CCAR2: variants seen among roughly 807,000 people sequenced by gnomAD.
CCAR2 encodes the protein cell cycle and apoptosis regulator 2, also known as cell cycle and apoptosis regulator protein 2.
A neutral mutation model predicts 108.1 loss-of-function variants in CCAR2; 21 were observed. The observed-to-expected ratio is 0.19, with a 90% CI of 0.14 to 0.28. The LOEUF (loss-of-function observed/expected upper bound fraction) is 0.28, where lower values mean the gene tolerates loss of function less well. Among genes scored for constraint, CCAR2 ranks in the 10% least tolerant of loss-of-function variants. CCAR2 has a pLI of 1.00. For synonymous variants in CCAR2, 577 were observed against 472.8 expected, an observed-to-expected ratio of 1.22 and a Z score of -2.86; for missense variants, 1,126 against 1,177.0, an observed-to-expected ratio of 0.96 and a Z score of 0.63.
rs112910441 is a variant in CCAR2 at position 22,607,685 on chromosome 8, C to T, written c.488-284C>T. ...TGTCACCCAGGCTAGAGTACAGTGG[C>T]GCGATCTCGGCTCACTGCAAGCTCC... On this transcript the variant is annotated intron_variant, in intron 6 of 20. Transcript: ENST00000308511. 2.1e-3 allele frequency among the ~76,000 whole-genome samples: 326 copies of T among 152,008 alleles called. 3 individuals are homozygous for T. Among genetic ancestry groups the T allele is most frequent in the African/African-American group, 7.5e-3 (309 of 41,434 alleles).
chr8:22,606,520 C>T (rs1008143479), intron 3 of CCAR2, 87 bp from the exon 4 acceptor site: 2 of 1,015,328 alleles, frequency 2.0e-6, no homozygotes, highest in South Asian at 1.3e-5. Flanking sequence ...TGAGCTGGGG[C>T]GTGGGTTGAG....
intron 6 of CCAR2, among the ~76,000 whole-genome samples, chr8:22,607,671 C>T (rs576905142): frequency 6.6e-6 from 1 of 151,928 alleles, no homozygotes; most frequent in East Asian, 1.9e-4. Context: ...GTCACCCAGG[C>T]TAGAGTACAG....
chr8:22,610,051 A>C (rs1801216505), intron 7 of CCAR2, among the ~76,000 whole-genome samples: 1 of 152,206 alleles, frequency 6.6e-6, no homozygotes, highest in African/African-American at 2.4e-5. Flanking sequence ...CAAACATTGC[A>C]AAATCTGAAA....
intron 7 of CCAR2, among the ~76,000 whole-genome samples, chr8:22,609,499 G>C (rs757478698): frequency 6.6e-6 from 1 of 152,034 alleles, no homozygotes; most frequent in Non-Finnish European, 1.5e-5. Flanking sequence ...TTTGCCATGG[G>C]GTTTCCACTG....
chr8:22,615,889 C>T lies in CCAR2; in HGVS notation c.1585C>T (p.Pro529Ser). Residue 529 changes from proline (P) to serine (S), a missense_variant, in exon 13 of 21, where the codon CCA becomes TCA. Physicochemically the swap from Pro to Ser is moderately conservative, Grantham distance 74. Around this residue, in one of 4 missense-constraint regions of CCAR2, gnomAD observed 1,013 missense variants for 993.9 expected, o/e 1.02. Transcript: ENST00000308511. The part of the protein sequence containing the change: ...SLHGIVEDRR[P>S]KERISFEVMV... ...CCATGGGATTGTGGAGGATCGGAGG[C>T]CAAAGGAAAGGATCTCTTTTGAGGC... is the stretch of plus-strand genomic sequence containing the variant. 1 of 1,613,988 alleles carries T rather than the reference C, an allele frequency of 6.2e-7. No homozygotes were observed. The highest frequency in any genetic ancestry group is 8.5e-7 in the Non-Finnish European group (1 of 1,180,030).
intron 7 of CCAR2, among the ~76,000 whole-genome samples, chr8:22,611,378 AAG>A (rs1302704093): frequency 4.9e-5 from 3 of 61,790 alleles, no homozygotes; most frequent in East Asian, 3.9e-4. Context: ...AAAAAAAAAA[AAG>A]TATATATATG....
In CCAR2 at chr8:22,619,259, G is replaced by T. The variant is rs781445228; in HGVS notation, c.2631G>T (p.Thr877=). The change falls in exon 20 of 21, where the codon ACG becomes ACT. Residue 877 remains threonine (T), a synonymous_variant. Transcript: ENST00000308511. ...RLAEAEETAR[T]AERQKSQLQR... Reference sequence around the variant, plus strand: ...CGGAGGCCGAGGAGACCGCCCGGACGGCGGAGCGACAGAAGAGCCAGCTCC... The same window carrying T: ...CGGAGGCCGAGGAGACCGCCCGGACTGCGGAGCGACAGAAGAGCCAGCTCC... 2 of 1,564,694 alleles carry T rather than the reference G, an allele frequency of 1.3e-6. No homozygotes were observed. The highest frequency in any genetic ancestry group is 1.4e-5 in the African/African-American group (1 of 73,858).
At chr8:22,615,261 TTTC>T (rs1248783974) in intron 11 of CCAR2, 161 bp from the exon 12 acceptor site, 13 of 971,358 alleles carry the variant, frequency 1.3e-5, no homozygotes, top group Non-Finnish European at 1.8e-5. Flanking sequence ...TGACTGATCA[TTTC>T]TTGAGGACTT....
Position 22,620,053 on chromosome 8 carries a change from C to G in CCAR2, c.*371C>G. The G allele has an allele frequency of 3.9e-6, 1 of 254,452 alleles. No individual in the cohort carries two copies. Among genetic ancestry groups the G allele is most frequent in the Non-Finnish European group, 7.8e-6 (1 of 127,984 alleles). The allele number at this position is 254,452 out of a possible 1,614,324, so 15.8% of individuals were successfully genotyped here. On this transcript the variant is annotated 3_prime_UTR_variant, in exon 21 of 21. Coordinates refer to ENST00000308511, the MANE Select transcript of CCAR2 (RefSeq NM_001393997.1). ...AGGCTTTTCGAGTGTGGGACAAGGT[C>G]TGATGTCAGTGAACGGAACTGAAGA...
At chr8:22,606,727 A>C (rs1041706637) in intron 4 of CCAR2, 29 bp downstream of exon 4, 23 of 1,575,566 alleles carry the variant, frequency 1.5e-5, no homozygotes, top group Non-Finnish European at 1.8e-5. Context: ...CCCTAACGGA[A>C]ATGCTTATTG....
At chr8:22,618,237 T>C in intron 16 of CCAR2, 112 bp from the exon 17 acceptor site, 1 of 1,403,702 alleles carries the variant, frequency 7.1e-7, no homozygotes, top group Non-Finnish European at 1.0e-6. Context: ...ACTTCAGGCA[T>C]GCATCACTGC....
rs767195405 is a variant in CCAR2 at position 22,608,006 on chromosome 8, G to A, written c.525G>A (p.Leu175=). The A allele has an allele frequency of 4.3e-6, 7 of 1,613,886 alleles. No individual in the cohort carries two copies. The highest frequency in any genetic ancestry group is 4.2e-6 in the Non-Finnish European group (5 of 1,180,016). The change falls in exon 7 of 21, where the codon CTG becomes CTA. Residue 175 remains leucine (L), a synonymous_variant. Transcript: ENST00000308511. ...TCCAAACATCCCACACACTTCACCT[G>A]AGCCACCTGAACAGATTTCCTGCCC... The part of the protein sequence containing the change: ...SLFQTSHTLH[L]SHLNRFPARG...
intron 6 of CCAR2, among the ~76,000 whole-genome samples, chr8:22,607,612 C>T (rs1206710389): frequency 1.3e-5 from 2 of 151,768 alleles, no homozygotes; most frequent in African/African-American, 2.4e-5. Context: ...GGATTACAGG[C>T]GCCCGCCACC....
intron 20 of CCAR2, 43 bp from the exon 21 acceptor site, chr8:22,619,595 C>A (rs202090147): frequency 3.5e-5 from 54 of 1,550,462 alleles, no homozygotes; most frequent in South Asian, 4.8e-5. Context: ...CCTCAGATCA[C>A]CTTGCCAGGC....
At chr8:22,607,785 C>T (rs1157313476) in intron 6 of CCAR2, among the ~76,000 whole-genome samples, 184 bp from the exon 7 acceptor site, 4 of 152,094 alleles carry the variant, frequency 2.6e-5, no homozygotes, top group Non-Finnish European at 4.4e-5. Flanking sequence ...CCACCATGCC[C>T]GGCTGATTTT....
Position 22,615,855 on chromosome 8 carries a change from C to G in CCAR2, c.1551C>G (p.Asn517Lys). Residue 517 changes from asparagine (N) to lysine (K), a missense_variant, in exon 13 of 21, where the codon AAC becomes AAG. Asn to Lys is a moderately conservative substitution (Grantham distance 94). Around this residue, in one of 4 missense-constraint regions of CCAR2, gnomAD observed 1,013 missense variants for 993.9 expected, o/e 1.02. Coordinates refer to ENST00000308511, the MANE Select transcript of CCAR2 (RefSeq NM_001393997.1). ...TCATCGCACGCCCTGGCTGTGTAAA[C>G]CTGTCCCTCCATGGGATTGTGGAGG... ...PAVIARPGCV[N>K]LSLHGIVEDR... The G allele has an allele frequency of 6.2e-7, 1 of 1,614,004 alleles. No individual in the cohort carries two copies. Among genetic ancestry groups the G allele is most frequent in the Non-Finnish European group, 8.5e-7 (1 of 1,180,020 alleles).
chr8:22,619,565 GGCAGTCCGCAGTCC>G, intron 20 of CCAR2, 59 bp from the exon 21 acceptor site: 1 of 1,501,312 alleles, frequency 6.7e-7, no homozygotes. Flanking sequence ...CCCAGCAGGA[GGCAGTCCGCAGTCC>G]GCAGTCCTCA....
intron 8 of CCAR2, 123 bp downstream of exon 8, chr8:22,613,259 C>T (rs1801363652): frequency 3.1e-5 from 33 of 1,081,694 alleles, no homozygotes; most frequent in Non-Finnish European, 3.9e-5. Flanking sequence ...AAACGAAAAG[C>T]ACATGGAAAC....
At chr8:22,612,071 G>A (rs1417492718) in intron 7 of CCAR2, among the ~76,000 whole-genome samples, 1 of 151,060 alleles carries the variant, frequency 6.6e-6, no homozygotes. Flanking sequence ...TCAGTCTCCC[G>A]AGTAGCTGGG....
Sources: gnomAD v4.1 joint callset for allele counts (sites outside exome capture counted in the v4.1 genomes callset) on GRCh38, gnomAD v4.1.1 for gene constraint, gnomAD v4.1.1 regional missense constraint, MANE v1.5 for transcripts, NCBI Gene and HGNC (gene_info 2026-07-23, HGNC 2026-07-21) for gene names.